The following AXDND1 variants were observed in gnomAD, a reference collection of about 807,000 sequenced individuals.
AXDND1 encodes the protein axonemal dynein light chain domain containing 1.
A neutral mutation model predicts 137.5 loss-of-function variants in AXDND1; 110 were observed. The observed-to-expected ratio is 0.80, with a 90% confidence interval of 0.69 to 0.94. AXDND1 has a LOEUF of 0.94. Ranked by LOEUF, AXDND1 falls within the 40% of genes least tolerant of loss-of-function variation. AXDND1 has a pLI of 0.00. For missense variants in AXDND1, 1,191 were observed against 1,169.8 expected (o/e 1.02, Z -0.26); for synonymous variants, 414 against 399.7 (o/e 1.04, Z -0.43).
At chr1:179,411,923 C>T (rs1318829068) in intron 12 of AXDND1, among the ~76,000 whole-genome samples, 1 of 151,966 alleles carries the variant, frequency 6.6e-6, no homozygotes, top group Admixed American at 6.6e-5. Context: ...GCAATCACAG[C>T]TTACTGTAGC....
At position 179,439,371 on chromosome 1, in the gene AXDND1, G is replaced by T. The variant is rs143071887; in HGVS notation, c.1564-5599G>T. ...AGACAGCTATGGCTGAGCGATGTCT[G>T]TGTAGTGATACACAAAGGAAGTCCT... On this transcript the variant is annotated intron_variant, in intron 15 of 25. Transcript: ENST00000367618. Among the ~76,000 whole-genome samples, 802 of 152,318 alleles carry T rather than the reference G, an allele frequency of 5.3e-3. 9 individuals carry two copies. The highest frequency in any genetic ancestry group is 0.019 in the African/African-American group (778 of 41,574).
chr1:179,450,978 C>G (rs6661077), intron 16 of AXDND1: 116,149 of 152,090 alleles, frequency 0.76, 44,670 homozygotes, highest in South Asian at 0.83. Flanking sequence ...ATGTTTCTAG[C>G]TTTGGTTTGC....
Position 179,369,673 on chromosome 1 carries a change from A to G in AXDND1, c.271-302A>G, listed in dbSNP as rs550351251. On this transcript the variant is annotated intron_variant, in intron 3 of 25. Coordinates refer to ENST00000367618, the MANE Select transcript of AXDND1 (RefSeq NM_144696.6). ...TCTCAAAAAAAAAAAATTTAAAATAATTTCTTAGATTGAAAACTCCAGTCT... is the reference window on the plus strand; with the variant it reads ...TCTCAAAAAAAAAAAATTTAAAATAGTTTCTTAGATTGAAAACTCCAGTCT... Among the ~76,000 whole-genome samples, 4 of 152,000 alleles carry G rather than the reference A, an allele frequency of 2.6e-5. No individual in the cohort carries two copies. In the East Asian group the frequency reaches 7.7e-4, roughly 29 times the overall value.
intron 15 of AXDND1, among the ~76,000 whole-genome samples, chr1:179,435,840 G>T (rs373799458): frequency 4.6e-5 from 7 of 152,170 alleles, no homozygotes; most frequent in African/African-American, 1.7e-4. Flanking sequence ...TGACAAATGG[G>T]ATCTAATTAG....
chr1:179,378,874 G>T, intron 5 of AXDND1, 117 bp downstream of exon 5: 1 of 818,746 alleles, frequency 1.2e-6, no homozygotes, highest in African/African-American at 1.8e-5. Flanking sequence ...ATAACAACCT[G>T]CATTGCTCAC....
intron 21 of AXDND1, among the ~76,000 whole-genome samples, chr1:179,513,323 A>G (rs1011121665): frequency 6.6e-6 from 1 of 152,184 alleles, no homozygotes; most frequent in Non-Finnish European, 1.5e-5. Flanking sequence ...TGAGATGATC[A>G]TGTGACTTTT....
chr1:179,378,833 A>G (rs1293062359), intron 5 of AXDND1, 76 bp downstream of exon 5: 18 of 1,169,602 alleles, frequency 1.5e-5, no homozygotes, highest in Non-Finnish European at 2.0e-5. Context: ...GATTTTTAAT[A>G]TAAATATAAA....
chr1:179,380,118 G>A (rs961063576), intron 6 of AXDND1, among the ~76,000 whole-genome samples: 7 of 151,836 alleles, frequency 4.6e-5, no homozygotes, highest in African/African-American at 1.2e-4. Flanking sequence ...GCGTGGTGGT[G>A]GGTGCCTGTA....
intron 18 of AXDND1, among the ~76,000 whole-genome samples, chr1:179,485,841 G>A (rs1167012544): frequency 2.0e-5 from 3 of 152,272 alleles, no homozygotes; most frequent in African/African-American, 7.2e-5. Flanking sequence ...AGAACCACCA[G>A]GCGCGGTGGC....
At chr1:179,427,953 TA>T (rs10548259) in intron 12 of AXDND1, among the ~76,000 whole-genome samples, 31,529 of 143,924 alleles carry the variant, frequency 0.22, 3,486 homozygotes, top group East Asian at 0.44. Context: ...GCAATCCATG[TA>T]AAAAAAAAAA....
chr1:179,416,450 G>A (rs1335229519), intron 12 of AXDND1, among the ~76,000 whole-genome samples: 1 of 152,094 alleles, frequency 6.6e-6, no homozygotes, highest in Non-Finnish European at 1.5e-5. Flanking sequence ...TTAATTGCTG[G>A]ATTATATGGT....
At chr1:179,511,170 C>CA (rs966935570) in intron 21 of AXDND1, among the ~76,000 whole-genome samples, 58 of 138,944 alleles carry the variant, frequency 4.2e-4, no homozygotes, top group East Asian at 4.2e-4. Context: ...CTGTCCCCCA[C>CA]AAAAAAAAAA....
At chr1:179,415,620 C>G (rs962237235) in intron 12 of AXDND1, among the ~76,000 whole-genome samples, 2 of 152,164 alleles carry the variant, frequency 1.3e-5, no homozygotes, top group African/African-American at 4.8e-5. Flanking sequence ...AAAAGAAACT[C>G]CATACATTTT....
chr1:179,450,666 G>C (rs1246681482), intron 16 of AXDND1: 1 of 152,158 alleles, frequency 6.6e-6, no homozygotes, highest in Non-Finnish European at 1.5e-5. Context: ...TCCTTGCCTA[G>C]GATCAATCCT....
Position 179,513,081 on chromosome 1 carries a change from G to A in AXDND1, c.2496+3678G>A, listed in dbSNP as rs147132734. ...TTCTCTTGTCTGATTGCTCTGGCTG[G>A]GACTTCCAGTTCTATGTTGAAGAGG... On this transcript the variant is annotated intron_variant, in intron 21 of 25. Transcript: ENST00000367618. 7.5e-4 allele frequency among the ~76,000 whole-genome samples: 114 copies of A among 152,214 alleles called. No homozygotes were observed. The East Asian group carries it at 0.021, about 29-fold the overall frequency.
chr1:179,525,794 C>CATATATATAT (rs35491447), intron 22 of AXDND1, among the ~76,000 whole-genome samples: 1 of 141,304 alleles, frequency 7.1e-6, no homozygotes, highest in African/African-American at 2.6e-5. Flanking sequence ...ATGCTTGGAC[C>CATATATATAT]ATATATATAT....
chr1:179,390,322 T>C (rs1649950168), intron 9 of AXDND1, among the ~76,000 whole-genome samples: 1 of 152,206 alleles, frequency 6.6e-6, no homozygotes, highest in Non-Finnish European at 1.5e-5. Flanking sequence ...CCTAGATCAC[T>C]GTTAATATAA....
At chr1:179,527,491 A>G (rs959475902) in intron 22 of AXDND1, among the ~76,000 whole-genome samples, 2 of 152,170 alleles carry the variant, frequency 1.3e-5, no homozygotes, top group African/African-American at 4.8e-5. Flanking sequence ...TTTCTGGTTC[A>G]TACGTCTCTG....
chr1:179,540,942 G>A (rs1672076141), intron 25 of AXDND1, among the ~76,000 whole-genome samples: 1 of 152,186 alleles, frequency 6.6e-6, no homozygotes, highest in Non-Finnish European at 1.5e-5. Flanking sequence ...GCTCCACCTG[G>A]TTTGAGCTTC....
Sources: allele counts gnomAD v4.1 joint callset (sites outside exome capture counted in the v4.1 genomes callset), GRCh38; gene constraint gnomAD v4.1.1; transcripts MANE v1.5; gene names NCBI Gene and HGNC (gene_info 2026-07-23, HGNC 2026-07-21).